The following TENM3 variants were observed in gnomAD, a reference collection of about 807,000 sequenced individuals.
TENM3 encodes teneurin transmembrane protein 3.
A neutral mutation model predicts 255.1 loss-of-function variants in TENM3; 63 were observed. The ratio of observed to expected loss-of-function variants is 0.25; its 90% CI spans 0.20 to 0.30. The LOEUF is 0.30. Among genes scored for constraint, TENM3 ranks in the 10% least tolerant of loss-of-function variants. The probability of loss-of-function intolerance (pLI) is 1.00; values close to 1 mark genes in which losing one functional copy is unlikely to be tolerated. For missense variants in TENM3, 2,929 were observed against 3,461.1 expected (o/e 0.85, Z 3.86); for synonymous variants, 1,306 against 1,322.3 (o/e 0.99, Z 0.27).
the TENM3 span, among the ~76,000 whole-genome samples, chr4:181,918,605 A>C: frequency 6.6e-6 from 1 of 152,114 alleles, no homozygotes; most frequent in East Asian, 1.9e-4. Flanking sequence ...AAATGTCCTG[A>C]TTATTTTGGC....
intron 1 of TENM3, among the ~76,000 whole-genome samples, chr4:182,259,974 G>C (rs1243883363): frequency 6.6e-6 from 1 of 152,050 alleles, no homozygotes; most frequent in East Asian, 1.9e-4. Flanking sequence ...CTGCATATGA[G>C]AGAGAATGTG....
chr4:182,448,226 C>G (rs1489627040), intron 3 of TENM3, among the ~76,000 whole-genome samples: 1 of 152,204 alleles, frequency 6.6e-6, no homozygotes, highest in African/African-American at 2.4e-5. Context: ...ACGGGCCGGT[C>G]CACGCAGGGG....
At chr4:182,582,558 A>T (rs1038131611) in intron 3 of TENM3, among the ~76,000 whole-genome samples, 2 of 152,188 alleles carry the variant, frequency 1.3e-5, no homozygotes, top group Non-Finnish European at 2.9e-5. Context: ...CTAGATTTTT[A>T]GTAAGTCTTT....
chr4:181,739,097 A>G, the TENM3 span, among the ~76,000 whole-genome samples: 1 of 152,206 alleles, frequency 6.6e-6, no homozygotes, highest in Admixed American at 6.5e-5. Context: ...TGCCCACTGC[A>G]TATTCAGTCA....
rs1561171080 is a variant in TENM3 at position 182,730,884 on chromosome 4, C to T, written c.2712C>T (p.Asp904=). The T allele has an allele frequency of 1.2e-6, 2 of 1,613,644 alleles. No homozygotes were observed. The highest frequency in any genetic ancestry group is 1.7e-6 in the Non-Finnish European group (2 of 1,179,726). ...YTITRQDGMF[D]LVANGGASLT... ...ATACCTTGTTCTTTCTTAGGTTTGA[C>T]TTGGTGGCAAATGGTGGGGCCTCTC... is the stretch of plus-strand genomic sequence containing the variant. The change falls in exon 16 of 28, where the codon GAC becomes GAT. Residue 904 remains aspartate, a synonymous_variant. Coordinates refer to ENST00000511685, the MANE Select transcript of TENM3 (RefSeq NM_001080477.4).
chr4:181,851,597 C>T, the TENM3 span, among the ~76,000 whole-genome samples: 3 of 151,956 alleles, frequency 2.0e-5, no homozygotes, highest in Admixed American at 1.3e-4. Context: ...CACGCACGCA[C>T]GCAAACGCAC....
chr4:181,876,439 TGA>T, the TENM3 span, among the ~76,000 whole-genome samples: 6 of 152,152 alleles, frequency 3.9e-5, no homozygotes, highest in Admixed American at 2.0e-4. Flanking sequence ...GCACTTATTT[TGA>T]GAGAGTGGCA....
chr4:182,375,602 C>T (rs150562563), intron 3 of TENM3, among the ~76,000 whole-genome samples: 19 of 152,136 alleles, frequency 1.2e-4, no homozygotes, highest in Admixed American at 3.9e-4. Flanking sequence ...AGTGCAGTGG[C>T]GCAGTCTCGG....
At chr4:182,574,249 G>A (rs937568582) in intron 3 of TENM3, among the ~76,000 whole-genome samples, 56 of 151,948 alleles carry the variant, frequency 3.7e-4, no homozygotes, top group African/African-American at 7.2e-5. Flanking sequence ...ATACCGTAGC[G>A]TGTGGATTTC....
intron 2 of TENM3, among the ~76,000 whole-genome samples, chr4:182,342,539 A>G (rs1764547215): frequency 6.6e-6 from 1 of 152,174 alleles, no homozygotes; most frequent in Non-Finnish European, 1.5e-5. Context: ...AAAATGTTCT[A>G]AAATTAATTG....
intron 3 of TENM3, among the ~76,000 whole-genome samples, chr4:182,593,277 A>C (rs949411725): frequency 4.6e-5 from 7 of 152,144 alleles, no homozygotes; most frequent in African/African-American, 1.7e-4. Flanking sequence ...AATACCCAGG[A>C]GGTGTTTTGT....
chr4:182,662,767 C>T (rs569524215), intron 6 of TENM3, among the ~76,000 whole-genome samples: 1 of 152,246 alleles, frequency 6.6e-6, no homozygotes, highest in African/African-American at 2.4e-5. Context: ...AAAAGTTGTG[C>T]AAGTATTTAC....
At chr4:181,450,234 A>G in the TENM3 span, among the ~76,000 whole-genome samples, 1 of 152,290 alleles carries the variant, frequency 6.6e-6, no homozygotes, top group Admixed American at 6.5e-5. Flanking sequence ...CAAATGTGTC[A>G]TTTTAATACA....
At chr4:181,810,947 C>A in the TENM3 span, among the ~76,000 whole-genome samples, 1 of 152,094 alleles carries the variant, frequency 6.6e-6, no homozygotes, top group Admixed American at 6.6e-5. Context: ...TAGAGAGAGG[C>A]TGCTAGAGGA....
the TENM3 span, among the ~76,000 whole-genome samples, chr4:182,067,104 T>A: frequency 2.0e-4 from 31 of 152,290 alleles, 1 homozygote; most frequent in South Asian, 6.2e-3. Flanking sequence ...CTATCTGCCA[T>A]CCTTCCTTTA....
intron 1 of TENM3, among the ~76,000 whole-genome samples, chr4:182,231,256 G>T (rs1246175368): frequency 6.6e-6 from 1 of 152,078 alleles, no homozygotes; most frequent in Non-Finnish European, 1.5e-5. Flanking sequence ...CGAGGAGGGT[G>T]CCTGACTCAT....
chr4:181,660,096 G>A, the TENM3 span, among the ~76,000 whole-genome samples: 2 of 152,104 alleles, frequency 1.3e-5, no homozygotes, highest in African/African-American at 2.4e-5. Context: ...AATATTAAAT[G>A]TAAGCTGTAT....
the TENM3 span, among the ~76,000 whole-genome samples, chr4:181,843,361 G>A: frequency 6.6e-6 from 1 of 152,320 alleles, no homozygotes; most frequent in East Asian, 1.9e-4. Flanking sequence ...CAAGCTGCTT[G>A]TAATATGTTC....
At chr4:182,144,481 G>C (rs925303171), upstream of TENM3, 1 of 147,366 alleles carries the variant, frequency 6.8e-6, no homozygotes. Context: ...GAGCGCGGGG[G>C]AGAGAAAGAA....
Sources: allele counts gnomAD v4.1 joint callset (sites outside exome capture counted in the v4.1 genomes callset), GRCh38; gene constraint gnomAD v4.1.1; transcripts MANE v1.5; gene names NCBI Gene and HGNC (gene_info 2026-07-23, HGNC 2026-07-21).